Variants in MTHFSD observed in about 807,000 individuals in gnomAD.
The protein encoded by MTHFSD is methenyltetrahydrofolate synthase domain-containing protein.
In MTHFSD, 37 loss-of-function variants were observed where a neutral mutation model predicts 31.1. The ratio of observed to expected loss-of-function variants is 1.19; its 90% CI spans 0.91 to 1.56. MTHFSD has a LOEUF of 1.56. MTHFSD is among the 40% of genes most tolerant of loss of function. The pLI is 0.00. For missense variants in MTHFSD, 664 were observed against 510.1 expected, an observed-to-expected ratio of 1.30 and a Z score of -2.91; for synonymous variants, 221 against 206.9, an observed-to-expected ratio of 1.07 and a Z score of -0.59.
At chr16:86,552,864 G>T (rs1434665727) in intron 2 of MTHFSD, among the ~76,000 whole-genome samples, 1 of 152,158 alleles carries the variant, frequency 6.6e-6, no homozygotes. Flanking sequence ...GACAAAATGG[G>T]GTGAAGCAAG....
intron 7 of MTHFSD, among the ~76,000 whole-genome samples, chr16:86,536,314 G>A (rs76129540): frequency 0.033 from 4,974 of 152,304 alleles, 259 homozygotes; most frequent in African/African-American, 0.11. Context: ...ATGCTCAGAG[G>A]AGAGCACAGG....
At position 86,548,505 on chromosome 16, in the gene MTHFSD, CA is replaced by C. The variant is rs752388370; in HGVS notation, c.309del (p.Ala105GlnfsTer6). ...TGLFNKITPP[P>X]GATKDILRKC... ...TTTCTCAAGATGTCTTTAGTTGCCC[CA>C]GGGGGTGGTGTGATCTTATTAAACA... is the stretch of plus-strand genomic sequence containing the variant. On this transcript the variant is annotated frameshift_variant, in exon 4 of 8. Transcript: ENST00000360900. LOFTEE classifies it high-confidence loss of function. 1.2e-6 allele frequency: 2 copies of C among 1,613,840 alleles called. No individual in the cohort carries two copies. Among genetic ancestry groups the C allele is most frequent in the East Asian group, 2.2e-5 (1 of 44,860 alleles).
chr16:86,552,240 GC>G, intron 2 of MTHFSD, 94 bp from the exon 3 acceptor site: 3 of 1,612,014 alleles, frequency 1.9e-6, no homozygotes, highest in Non-Finnish European at 2.5e-6. Context: ...AATGGTCCTG[GC>G]CGTTTTGAAC....
At chr16:86,540,652 T>C in intron 7 of MTHFSD, 2 of 983,954 alleles carry the variant, frequency 2.0e-6, no homozygotes, top group South Asian at 4.7e-5. Context: ...GTCTCGTGCA[T>C]TGGCTTCCAC....
chr16:86,545,777 C>A (rs1972204850), intron 5 of MTHFSD, among the ~76,000 whole-genome samples: 1 of 152,222 alleles, frequency 6.6e-6, no homozygotes, highest in Non-Finnish European at 1.5e-5. Flanking sequence ...ACTTAAAGAC[C>A]ACCCAGTGCC....
In MTHFSD at chr16:86,535,201, C is replaced by T. The variant is rs1970512453; in HGVS notation, c.682-2720G>A. 25 of 866,546 alleles carry T rather than the reference C, an allele frequency of 2.9e-5. No individual in the cohort carries two copies. In the South Asian group the frequency reaches 8.0e-4, roughly 28 times the overall value. 53.7% of individuals were successfully genotyped at this position (866,546 alleles called of 1,614,324 possible). ...GGCCAGGGCACTGGCACACTGGCAT[C>T]CGCAGGGGCCGTTAGAATGGAAATG... is the stretch of plus-strand genomic sequence containing the variant. On this transcript the variant is annotated intron_variant, in intron 7 of 7. Coordinates refer to ENST00000360900, the MANE Select transcript of MTHFSD (RefSeq NM_001159377.2).
chr16:86,554,779 C>T (rs1401746020), intron 1 of MTHFSD, 28 bp from the exon 2 acceptor site: 1 of 1,574,906 alleles, frequency 6.3e-7, no homozygotes, highest in Non-Finnish European at 8.7e-7. Flanking sequence ...CACTTAATAA[C>T]ATACAAAGGA....
chr16:86,548,571 T>G lies in MTHFSD; in HGVS notation c.244A>C (p.Lys82Gln). Residue 82 changes from lysine (K) to glutamine (Q), a missense_variant, in exon 4 of 8, where the codon AAA becomes CAA. Lys to Gln is a moderately conservative substitution (Grantham distance 53). Transcript: ENST00000360900. ...CGTGGTGTTGGAACCAACAATGTTT[T>G]TTTGCTCTTTTAAAGAAAAGACAAT... ...GVRLLVLQSK[K>Q]TLLVPTPRLR... 2 of 1,608,306 alleles carry G rather than the reference T, an allele frequency of 1.2e-6. No individual in the cohort carries two copies. The highest frequency in any genetic ancestry group is 4.5e-5 in the East Asian group (2 of 44,784).
chr16:86,554,259 T>C (rs948080345), intron 2 of MTHFSD, among the ~76,000 whole-genome samples: 1 of 152,216 alleles, frequency 6.6e-6, no homozygotes, highest in Non-Finnish European at 1.5e-5. Flanking sequence ...GCAAAGACCG[T>C]GAACCCACCA....
intron 4 of MTHFSD, among the ~76,000 whole-genome samples, chr16:86,547,841 T>C (rs936951855): frequency 2.6e-5 from 4 of 152,172 alleles, no homozygotes; most frequent in Non-Finnish European, 5.9e-5. Context: ...TTTTTTCTTC[T>C]CAGTAGATTA....
At chr16:86,534,955 C>T (rs1464815841) in intron 7 of MTHFSD, among the ~76,000 whole-genome samples, 1 of 152,176 alleles carries the variant, frequency 6.6e-6, no homozygotes, top group Non-Finnish European at 1.5e-5. Context: ...CATCTGTGTC[C>T]AGTAGCACCT....
In MTHFSD at chr16:86,532,358, G is replaced by A. The variant is rs115896069; in HGVS notation, c.805C>T (p.Gln269Ter). Reference sequence around the variant, plus strand: ...CTGCCAACACTCAGGGGCACTGTCTGCTGGCAGCCTGGTTCCGGAAGGTGC... The same window carrying A: ...CTGCCAACACTCAGGGGCACTGTCTACTGGCAGCCTGGTTCCGGAAGGTGC... ...HQHLPEPGCQ[Q>*]TVPLSVGRRP... The change falls in exon 8 of 8, where the codon CAG becomes TAG. Residue 269 changes from glutamine (Q) to a stop codon, truncating the protein, a stop_gained. Coordinates refer to ENST00000360900, the MANE Select transcript of MTHFSD (RefSeq NM_001159377.2). LOFTEE classifies it low-confidence loss of function (END_TRUNC). The A allele has an allele frequency of 9.5e-6, 15 of 1,587,156 alleles. No homozygotes were observed. Among genetic ancestry groups the A allele is most frequent in the Middle Eastern group, 1.7e-4 (1 of 6,008 alleles).
chr16:86,554,387 A>G (rs964662459), intron 2 of MTHFSD, among the ~76,000 whole-genome samples: 3 of 152,140 alleles, frequency 2.0e-5, no homozygotes, highest in African/African-American at 7.2e-5. Flanking sequence ...GAGACCAAGA[A>G]CCCACCAATT....
rs1162757584 is a variant in MTHFSD at position 86,532,280 on chromosome 16, C to G, written c.883G>C (p.Gly295Arg). 6.4e-7 allele frequency: 1 copy of G among 1,568,794 alleles called. No homozygotes were observed. The highest frequency in any genetic ancestry group is 1.9e-5 in the Admixed American group (1 of 52,374). ...PETNSMEAAP[G>R]SPPGEGAPLA... ...GGGGCACCCTCCCCTGGTGGGGAGC[C>G]AGGGGCTGCCTCCATGGAATTGGTT... Residue 295 changes from glycine to arginine, a missense_variant, in exon 8 of 8, where the codon GGC becomes CGC. Coordinates refer to ENST00000360900, the MANE Select transcript of MTHFSD (RefSeq NM_001159377.2).
In MTHFSD at chr16:86,542,388, A is replaced by C; in HGVS notation, c.443-175T>G. On this transcript the variant is annotated intron_variant, in intron 5 of 7. Coordinates refer to ENST00000360900, the MANE Select transcript of MTHFSD (RefSeq NM_001159377.2). This position sits in a 1 kb window ranked among gnomAD's most constrained non-coding sequence, Gnocchi z 4.6. ...CACAAGCAGCCCACACTGACGATGG[A>C]CTTTTGGGCATTCAACAGGAATAAC... The C allele has an allele frequency of 1.7e-6, 1 of 595,478 alleles. No individual in the cohort carries two copies. Among genetic ancestry groups the C allele is most frequent in the Non-Finnish European group, 3.0e-6 (1 of 336,146 alleles). 36.9% of individuals were successfully genotyped at this position (595,478 alleles called of 1,614,324 possible).
chr16:86,535,554 C>T, intron 7 of MTHFSD: 4 of 972,338 alleles, frequency 4.1e-6, no homozygotes, highest in Non-Finnish European at 4.9e-6. Context: ...GTTACTCAAA[C>T]ATGAGAAAAC....
intron 7 of MTHFSD, among the ~76,000 whole-genome samples, chr16:86,538,391 A>G (rs116970435): frequency 0.031 from 4,772 of 152,078 alleles, 109 homozygotes; most frequent in Middle Eastern, 0.078. Context: ...CCAGGTGCTC[A>G]CTCGGGTCCA....
At chr16:86,535,931 G>C (rs566183495) in intron 7 of MTHFSD, among the ~76,000 whole-genome samples, 133 of 152,268 alleles carry the variant, frequency 8.7e-4, no homozygotes, top group African/African-American at 3.0e-3. Flanking sequence ...GCTCACTGCA[G>C]CCTTGAATAC....
chr16:86,543,758 A>G (rs1260617360), intron 5 of MTHFSD, among the ~76,000 whole-genome samples: 2 of 152,214 alleles, frequency 1.3e-5, no homozygotes, highest in Admixed American at 1.3e-4. Flanking sequence ...GACCAGTACT[A>G]GTCCATGGCC....
Sources: gnomAD v4.1 joint callset for allele counts (sites outside exome capture counted in the v4.1 genomes callset) on GRCh38, gnomAD v4.1.1 for gene constraint, Gnocchi (gnomAD v3.1) non-coding constraint, MANE v1.5 for transcripts, NCBI Gene and HGNC (gene_info 2026-07-23, HGNC 2026-07-21) for gene names.